Variants in CHST9 observed in about 807,000 individuals in gnomAD.
CHST9 encodes GalNAc-4-sulfotransferase 2.
In CHST9, 41 loss-of-function variants were observed where a neutral mutation model predicts 44.4. The observed-to-expected ratio is 0.92, with a 90% confidence interval of 0.72 to 1.20. The LOEUF is 1.20. Among genes scored for constraint, CHST9 ranks in the 50% most tolerant of loss-of-function variants. The pLI, the probability that CHST9 is intolerant of heterozygous loss-of-function variation, is 0.00. For missense variants in CHST9, 504 were observed against 516.5 expected (o/e 0.98, Z 0.23); for synonymous variants, 171 against 178.4 (o/e 0.96, Z 0.33).
intron 1 of CHST9, among the ~76,000 whole-genome samples, chr18:27,144,159 TG>T (rs1338280503): frequency 1.3e-5 from 2 of 152,116 alleles, no homozygotes; most frequent in Non-Finnish European, 2.9e-5. Flanking sequence ...ACAACCCCTC[TG>T]GGTGAGCCGA....
chr18:27,031,506 C>A (rs1182932238), intron 3 of CHST9, among the ~76,000 whole-genome samples: 1 of 152,176 alleles, frequency 6.6e-6, no homozygotes, highest in East Asian at 1.9e-4. Flanking sequence ...AGGTCCTTAG[C>A]ACATCAAATT....
At chr18:27,112,232 A>G (rs1385263093) in intron 2 of CHST9, among the ~76,000 whole-genome samples, 1 of 151,096 alleles carries the variant, frequency 6.6e-6, no homozygotes, top group Non-Finnish European at 1.5e-5. Context: ...CCCATGATCT[A>G]CCATCTGCAA....
intron 4 of CHST9, among the ~76,000 whole-genome samples, chr18:27,006,808 A>G (rs1338738424): frequency 6.6e-6 from 1 of 152,234 alleles, no homozygotes; most frequent in Admixed American, 6.5e-5. Context: ...AGTCAAAGCC[A>G]GCAAAGCCGG....
chr18:27,096,482 T>C (rs2058118038), intron 2 of CHST9, among the ~76,000 whole-genome samples: 5 of 151,938 alleles, frequency 3.3e-5, no homozygotes, highest in South Asian at 4.2e-4. Context: ...AAAGAATCAA[T>C]GAAACCAAAA....
intron 4 of CHST9, among the ~76,000 whole-genome samples, chr18:27,022,250 T>C (rs1186196045): frequency 6.6e-6 from 1 of 152,140 alleles, no homozygotes; most frequent in Non-Finnish European, 1.5e-5. Flanking sequence ...GTTCACAGTA[T>C]AGTGGCAAGA....
chr18:26,978,781 A>T (rs886907417), intron 4 of CHST9, among the ~76,000 whole-genome samples: 1 of 152,212 alleles, frequency 6.6e-6, no homozygotes, highest in African/African-American at 2.4e-5. Flanking sequence ...GAAAGTAAAC[A>T]TTATGAAAAT....
At chr18:27,137,342 GTGTGTGTGTGTGTA>G (rs1228868163) in intron 2 of CHST9, among the ~76,000 whole-genome samples, 4 of 107,704 alleles carry the variant, frequency 3.7e-5, no homozygotes, top group African/African-American at 1.3e-4. Context: ...GTGTGTGTGT[GTGTGTGTGTGTGTA>G]TAGAGAGAGA....
Position 26,909,330 on chromosome 18 carries a change from G to A in CHST9, c.*6929C>T, listed in dbSNP as rs1180544297. The stretch of plus-strand genomic sequence containing the variant: ...TAAAAAATTCACACACACACGAGAA[G>A]TACCCCAAGAGATTATTAAAAAGGA... On this transcript the variant is annotated 3_prime_UTR_variant, in exon 6 of 6. Coordinates refer to ENST00000618847, the MANE Select transcript of CHST9 (RefSeq NM_031422.6). 2 of 152,150 alleles carry A rather than the reference G, an allele frequency of 1.3e-5. No individual in the cohort carries two copies. Among genetic ancestry groups the A allele is most frequent in the Non-Finnish European group, 2.9e-5 (2 of 68,026 alleles). The allele number at this position is 152,150 out of a possible 1,614,324, so 9.4% of individuals were successfully genotyped here.
intron 4 of CHST9, among the ~76,000 whole-genome samples, chr18:27,002,534 C>T (rs553462373): frequency 6.6e-6 from 1 of 152,120 alleles, no homozygotes; most frequent in African/African-American, 2.4e-5. Flanking sequence ...GTAAATTATT[C>T]AAAAAATTAC....
At chr18:27,127,741 C>T (rs1382417503) in intron 2 of CHST9, among the ~76,000 whole-genome samples, 4 of 152,082 alleles carry the variant, frequency 2.6e-5, no homozygotes, top group South Asian at 2.1e-4. Context: ...AATACATAGA[C>T]GATGGGCAAG....
chr18:26,989,087 A>T (rs2056786620), intron 4 of CHST9, among the ~76,000 whole-genome samples: 1 of 152,172 alleles, frequency 6.6e-6, no homozygotes, highest in Non-Finnish European at 1.5e-5. Flanking sequence ...TTTAAGAGAC[A>T]TGAAAAATGA....
At position 27,087,955 on chromosome 18, in the gene CHST9, CA is replaced by C. The variant is rs144550472; in HGVS notation, c.122-39453del. 5.7e-3 allele frequency among the ~76,000 whole-genome samples: 867 copies of C among 152,348 alleles called. 11 individuals carry two copies. Among genetic ancestry groups the C allele is most frequent in the African/African-American group, 0.02 (826 of 41,578 alleles). On this transcript the variant is annotated intron_variant, in intron 2 of 5. Coordinates refer to ENST00000618847, the MANE Select transcript of CHST9 (RefSeq NM_031422.6). ...CAAGAAGATCATGTTAAAAATTCTT[CA>C]TCACTTCAATTTCTCCCACTTGATG... is the stretch of plus-strand genomic sequence containing the variant.
At chr18:27,179,995 T>A (rs2058899419) in intron 1 of CHST9, among the ~76,000 whole-genome samples, 1 of 152,130 alleles carries the variant, frequency 6.6e-6, no homozygotes, top group African/African-American at 2.4e-5. Flanking sequence ...AGTATATCAA[T>A]GGTATTTACT....
intron 2 of CHST9, among the ~76,000 whole-genome samples, chr18:27,092,111 C>T (rs1369217241): frequency 6.6e-6 from 1 of 152,188 alleles, no homozygotes; most frequent in Non-Finnish European, 1.5e-5. Context: ...ATTATTGCCT[C>T]AATTTCAGAG....
chr18:26,946,551 G>A (rs1479596327), intron 4 of CHST9, among the ~76,000 whole-genome samples: 1 of 152,190 alleles, frequency 6.6e-6, no homozygotes, highest in Non-Finnish European at 1.5e-5. Flanking sequence ...CCATTAAGGG[G>A]ATTCAGGCAA....
chr18:26,930,199 C>T (rs1164283881), intron 5 of CHST9, among the ~76,000 whole-genome samples: 4 of 152,214 alleles, frequency 2.6e-5, no homozygotes, highest in African/African-American at 4.8e-5. Flanking sequence ...CTGGTGCTAC[C>T]ATGTGTTACC....
chr18:27,040,933 C>T (rs1245225237), intron 3 of CHST9, among the ~76,000 whole-genome samples: 2 of 152,078 alleles, frequency 1.3e-5, no homozygotes, highest in African/African-American at 4.8e-5. Context: ...TTTCTGTGTG[C>T]ATTTGTAATC....
chr18:26,959,264 T>C (rs1178675306), intron 4 of CHST9, among the ~76,000 whole-genome samples: 2 of 152,056 alleles, frequency 1.3e-5, no homozygotes, highest in Admixed American at 6.6e-5. Context: ...GAGCTAAACA[T>C]TGGGTACACA....
At chr18:27,073,901 C>T (rs996875191) in intron 2 of CHST9, among the ~76,000 whole-genome samples, 2 of 152,018 alleles carry the variant, frequency 1.3e-5, no homozygotes, top group African/African-American at 2.4e-5. Flanking sequence ...TTTGGGTTCA[C>T]ATTTATTATT....
Sources: gnomAD v4.1 joint callset for allele counts (sites outside exome capture counted in the v4.1 genomes callset) on GRCh38, gnomAD v4.1.1 for gene constraint, MANE v1.5 for transcripts, NCBI Gene and HGNC (gene_info 2026-07-23, HGNC 2026-07-21) for gene names.